The following FUT8 variants were observed in gnomAD, a reference collection of about 807,000 sequenced individuals.
The protein encoded by FUT8 is fucosyltransferase 8.
Under a neutral mutation model 71.3 loss-of-function variants are expected in FUT8, and 29 were observed. That is an observed-to-expected ratio of 0.41 (90% CI 0.30 to 0.55). FUT8 has a LOEUF of 0.55. Among genes scored for constraint, FUT8 ranks in the 20% least tolerant of loss-of-function variants. The pLI is 0.34. For missense variants in FUT8, 544 were observed against 702.1 expected (o/e 0.77, Z 2.55); for synonymous variants, 254 against 239.3 (o/e 1.06, Z -0.57).
chr14:65,416,902 G>A (rs1467956559), intron 1 of FUT8, among the ~76,000 whole-genome samples: 1 of 151,308 alleles, frequency 6.6e-6, no homozygotes, highest in Non-Finnish European at 1.5e-5. Context: ...TCCCGCCTTA[G>A]CCTCTGGAGT....
chr14:65,542,932 G>A (rs967674192), intron 2 of FUT8, among the ~76,000 whole-genome samples: 2 of 152,158 alleles, frequency 1.3e-5, no homozygotes, highest in East Asian at 1.9e-4. Context: ...ACAGGCATGC[G>A]CCACCATGCC....
At chr14:65,677,151 T>TGTGTGCGC in intron 7 of FUT8, among the ~76,000 whole-genome samples, 1,634 of 110,666 alleles carry the variant, frequency 0.015, 15 homozygotes, top group Non-Finnish European at 0.019. Context: ...TGTGTGTGTG[T>TGTGTGCGC]GCGCGCGCGC....
chr14:65,449,979 A>T (rs2065797578), intron 1 of FUT8, among the ~76,000 whole-genome samples: 1 of 152,206 alleles, frequency 6.6e-6, no homozygotes, highest in Non-Finnish European at 1.5e-5. Flanking sequence ...AAAAATGACC[A>T]ATTTCACCAC....
chr14:65,563,367 C>T (rs141253861), intron 3 of FUT8, among the ~76,000 whole-genome samples: 2 of 152,086 alleles, frequency 1.3e-5, no homozygotes, highest in Non-Finnish European at 2.9e-5. Flanking sequence ...ATTTTTGTAA[C>T]CATTTTACAG....
Position 65,472,723 on chromosome 14 carries a change from C to T in FUT8, c.-228+17005C>T, listed in dbSNP as rs116026097. 6.3e-3 allele frequency among the ~76,000 whole-genome samples: 966 copies of T among 152,192 alleles called. 9 individuals carry two copies. The highest frequency in any genetic ancestry group is 0.022 in the African/African-American group (932 of 41,514). ...TATGGAACCAATTAATTTGATGACT[C>T]ATTTACATTGAATTTCTTAATTAGT... On this transcript the variant is annotated intron_variant, in intron 2 of 10. Coordinates refer to ENST00000673929, the MANE Select transcript of FUT8 (RefSeq NM_001371533.1). This position sits in a 1 kb window ranked among gnomAD's most constrained non-coding sequence, Gnocchi z 4.4.
intron 1 of FUT8, among the ~76,000 whole-genome samples, chr14:65,451,046 C>T (rs561291836): frequency 1.2e-4 from 18 of 152,202 alleles, no homozygotes; most frequent in African/African-American, 3.1e-4. Flanking sequence ...TTGTTAGAGA[C>T]GAGGTTTTGC....
At chr14:65,446,127 A>G (rs2065737566) in intron 1 of FUT8, among the ~76,000 whole-genome samples, 1 of 152,178 alleles carries the variant, frequency 6.6e-6, no homozygotes, top group African/African-American at 2.4e-5. Flanking sequence ...TTTGAATTTG[A>G]TACGTCTTTT....
intron 6 of FUT8, among the ~76,000 whole-genome samples, chr14:65,642,937 A>C (rs1331220089): frequency 1.3e-5 from 2 of 152,194 alleles, no homozygotes; most frequent in Non-Finnish European, 2.9e-5. Context: ...TGTCATCTAC[A>C]TATAGATACA....
intron 2 of FUT8, among the ~76,000 whole-genome samples, chr14:65,552,313 G>T (rs992081010): frequency 2.8e-4 from 42 of 152,028 alleles, no homozygotes; most frequent in African/African-American, 1.0e-3. Context: ...TGAAGGCAGG[G>T]ATTTGTGTCT....
chr14:65,528,011 G>A (rs976006922), intron 2 of FUT8, among the ~76,000 whole-genome samples: 1 of 152,198 alleles, frequency 6.6e-6, no homozygotes, highest in African/African-American at 2.4e-5. Context: ...CCTACTTGAG[G>A]AGGCAGTGTG....
chr14:65,617,553 C>T (rs1889350063), intron 5 of FUT8, among the ~76,000 whole-genome samples: 1 of 152,218 alleles, frequency 6.6e-6, no homozygotes, highest in East Asian at 1.9e-4. Context: ...GTTTTTTAGG[C>T]CAATTCACAT....
rs113394254 is a variant in FUT8 at position 65,602,519 on chromosome 14, C to T, written c.204-13459C>T. Among the ~76,000 whole-genome samples, 525 of 151,144 alleles carry T rather than the reference C, an allele frequency of 3.5e-3. 2 individuals carry two copies. The highest frequency in any genetic ancestry group is 0.012 in the African/African-American group (498 of 41,230). On this transcript the variant is annotated intron_variant, in intron 3 of 10. Coordinates refer to ENST00000673929, the MANE Select transcript of FUT8 (RefSeq NM_001371533.1). ...TCTTTTTCGTATAATGACTTCTTTTCCTCTGAGTAAATAACCAGTAGTGGG... is the reference window on the plus strand; with the variant it reads ...TCTTTTTCGTATAATGACTTCTTTTTCTCTGAGTAAATAACCAGTAGTGGG...
chr14:65,443,375 A>G (rs960042452), intron 1 of FUT8, among the ~76,000 whole-genome samples: 1 of 147,780 alleles, frequency 6.8e-6, no homozygotes, highest in African/African-American at 2.5e-5. Context: ...GCGCCACTGC[A>G]CTCCAGCCTG....
the FUT8 span, among the ~76,000 whole-genome samples, chr14:65,375,426 C>T: frequency 6.6e-6 from 1 of 152,006 alleles, no homozygotes; most frequent in African/African-American, 2.4e-5. Flanking sequence ...TGAGATCAGG[C>T]TGGGTAACAC....
intron 6 of FUT8, among the ~76,000 whole-genome samples, chr14:65,651,995 A>C (rs1166507013): frequency 6.6e-6 from 1 of 152,214 alleles, no homozygotes; most frequent in Non-Finnish European, 1.5e-5. Flanking sequence ...ACAGAGAGAC[A>C]CAGGGAAAAA....
chr14:65,463,046 A>G (rs2065990578), intron 2 of FUT8, among the ~76,000 whole-genome samples: 2 of 152,204 alleles, frequency 1.3e-5, no homozygotes, highest in African/African-American at 4.8e-5. Context: ...CTCTCACTAC[A>G]TGTTGTAACA....
intron 8 of FUT8, 48 bp downstream of exon 8, chr14:65,722,069 G>GT (rs772028663): frequency 6.9e-6 from 11 of 1,592,820 alleles, no homozygotes; most frequent in Admixed American, 1.7e-5. Context: ...AGTAGTTAGG[G>GT]TTATGTATCT....
At chr14:65,429,505 A>G (rs2139421430) in intron 1 of FUT8, among the ~76,000 whole-genome samples, 1 of 152,322 alleles carries the variant, frequency 6.6e-6, no homozygotes, top group East Asian at 1.9e-4. Flanking sequence ...AAATATCTCC[A>G]AATCAAAACT....
the FUT8 span, among the ~76,000 whole-genome samples, chr14:65,372,416 C>CT: frequency 9.5e-4 from 139 of 146,720 alleles, no homozygotes; most frequent in Non-Finnish European, 1.1e-3. Context: ...TCCCTTCCTT[C>CT]TTTTTTTTTT....
Sources: allele counts gnomAD v4.1 joint callset (sites outside exome capture counted in the v4.1 genomes callset), GRCh38; gene constraint gnomAD v4.1.1; non-coding constraint Gnocchi (gnomAD v3.1); transcripts MANE v1.5; gene names NCBI Gene and HGNC (gene_info 2026-07-23, HGNC 2026-07-21).